GTF2IRD1: variants seen among roughly 807,000 people sequenced by gnomAD.
GTF2IRD1 encodes general transcription factor II-I repeat domain-containing protein 1.
GTF2IRD1 carries 26 observed loss-of-function variants against 113.2 expected under a neutral mutation model. That is an observed-to-expected ratio of 0.23 (90% CI 0.17 to 0.32). The LOEUF (loss-of-function observed/expected upper bound fraction) is 0.32, where lower values mean the gene tolerates loss of function less well. GTF2IRD1 is among the 10% of genes least tolerant of loss of function. The pLI is 1.00. For missense variants in GTF2IRD1, 864 were observed against 1,280.8 expected (o/e 0.67, Z 4.97); for synonymous variants, 484 against 529.1 (o/e 0.91, Z 1.17).
chr7:74,473,016 G>C (rs1226423945), intron 1 of GTF2IRD1, among the ~76,000 whole-genome samples: 1 of 152,208 alleles, frequency 6.6e-6, no homozygotes, highest in Non-Finnish European at 1.5e-5. Context: ...GTGCGGTGAA[G>C]GCTGGCAAGT....
chr7:74,469,522 A>G (rs1034675282), intron 1 of GTF2IRD1, among the ~76,000 whole-genome samples: 9 of 152,050 alleles, frequency 5.9e-5, no homozygotes, highest in Admixed American at 5.9e-4. Flanking sequence ...AGATGGAATC[A>G]TGTAATATGT....
At chr7:74,487,054 C>A (rs1194241760) in intron 1 of GTF2IRD1, among the ~76,000 whole-genome samples, 1 of 151,880 alleles carries the variant, frequency 6.6e-6, no homozygotes, top group African/African-American at 2.4e-5. Context: ...TTTCTTTTTT[C>A]CTTTTGAGAT....
chr7:74,475,630 C>T (rs1250037440), intron 1 of GTF2IRD1, among the ~76,000 whole-genome samples: 7 of 152,202 alleles, frequency 4.6e-5, no homozygotes, highest in African/African-American at 1.7e-4. Flanking sequence ...TGAAATTGCA[C>T]CACCTGGCCA....
At chr7:74,461,804 C>G (rs1417549231) in intron 1 of GTF2IRD1, among the ~76,000 whole-genome samples, 4 of 152,106 alleles carry the variant, frequency 2.6e-5, no homozygotes, top group African/African-American at 9.7e-5. Flanking sequence ...GTTTTGAACT[C>G]CTGATCTCAA....
intron 17 of GTF2IRD1, among the ~76,000 whole-genome samples, chr7:74,547,757 T>C (rs1306098204): frequency 1.1e-4 from 15 of 133,486 alleles, no homozygotes; most frequent in East Asian, 2.0e-4. Context: ...CTCTCTCTCT[T>C]TTTTTTTTTT....
intron 8 of GTF2IRD1, among the ~76,000 whole-genome samples, chr7:74,526,878 T>A (rs1332514854): frequency 6.6e-5 from 10 of 151,968 alleles, no homozygotes; most frequent in Non-Finnish European, 1.5e-4. Flanking sequence ...AAGTGTGACA[T>A]CTCAGTGGGA....
At chr7:74,488,482 G>A (rs1243973445) in intron 1 of GTF2IRD1, among the ~76,000 whole-genome samples, 3 of 152,218 alleles carry the variant, frequency 2.0e-5, no homozygotes. Flanking sequence ...CTCTGGCTGG[G>A]CACGGTGGCT....
chr7:74,502,140 T>C (rs1796067106), intron 1 of GTF2IRD1, among the ~76,000 whole-genome samples: 1 of 152,218 alleles, frequency 6.6e-6, no homozygotes, highest in South Asian at 2.1e-4. Flanking sequence ...GATTTTGCCA[T>C]GTTTCCCAGG....
At chr7:74,597,681 G>T (rs1207037911) in intron 25 of GTF2IRD1, among the ~76,000 whole-genome samples, 6 of 152,112 alleles carry the variant, frequency 3.9e-5, no homozygotes, top group Admixed American at 1.3e-4. Context: ...AAAAGAAGAA[G>T]AAAGAAAAAA....
chr7:74,528,808 TGG>T (rs1554347860), intron 8 of GTF2IRD1, among the ~76,000 whole-genome samples: 1 of 91,022 alleles, frequency 1.1e-5, no homozygotes, highest in Non-Finnish European at 2.6e-5. Flanking sequence ...GGTGGGTGGA[TGG>T]ATGGATGGAT....
chr7:74,483,769 G>A (rs1417504051), intron 1 of GTF2IRD1, among the ~76,000 whole-genome samples: 1 of 152,072 alleles, frequency 6.6e-6, no homozygotes. Flanking sequence ...GCCGGCAGAT[G>A]GCTTGAGTCC....
At chr7:74,569,660 G>A (rs1255414044) in intron 22 of GTF2IRD1, among the ~76,000 whole-genome samples, 1 of 152,180 alleles carries the variant, frequency 6.6e-6, no homozygotes, top group Non-Finnish European at 1.5e-5. Flanking sequence ...GGGTGGATTA[G>A]AGAAGGCAAA....
At chr7:74,550,015 C>A (rs1306405412) in intron 17 of GTF2IRD1, among the ~76,000 whole-genome samples, 1 of 146,640 alleles carries the variant, frequency 6.8e-6, no homozygotes, top group Non-Finnish European at 1.5e-5. Flanking sequence ...CCAGCCTGGG[C>A]AACAAGAGCA....
At chr7:74,517,277 GTAA>G (rs1554344853) in intron 4 of GTF2IRD1, among the ~76,000 whole-genome samples, 2,591 of 151,498 alleles carry the variant, frequency 0.017, 81 homozygotes, top group African/African-American at 0.059. Flanking sequence ...ACCTGCCTCG[GTAA>G]TCCCAAAGTG....
intron 17 of GTF2IRD1, 53 bp downstream of exon 17, chr7:74,547,339 G>C: frequency 7.1e-7 from 1 of 1,418,056 alleles, no homozygotes; most frequent in Non-Finnish European, 9.7e-7. Flanking sequence ...TCAGCACCAA[G>C]GGGCAGGAGC....
intron 1 of GTF2IRD1, among the ~76,000 whole-genome samples, chr7:74,487,013 G>A (rs1395553353): frequency 6.6e-6 from 1 of 152,164 alleles, no homozygotes; most frequent in Non-Finnish European, 1.5e-5. Context: ...ACTCAGTGAT[G>A]TAGATGAGAG....
At chr7:74,549,639 T>C (rs782521126) in intron 17 of GTF2IRD1, among the ~76,000 whole-genome samples, 2 of 152,036 alleles carry the variant, frequency 1.3e-5, no homozygotes, top group Non-Finnish European at 2.9e-5. Context: ...TGTCTGGGCA[T>C]ATTAAAAGGA....
At chr7:74,531,312 A>G (rs1583809683) in intron 9 of GTF2IRD1, among the ~76,000 whole-genome samples, 1 of 152,310 alleles carries the variant, frequency 6.6e-6, no homozygotes, top group Middle Eastern at 3.4e-3. Flanking sequence ...CAGAGATTGC[A>G]GTGAGCCAAG....
chr7:74,465,857 C>CAG (rs1793675505), intron 1 of GTF2IRD1, among the ~76,000 whole-genome samples: 1 of 152,134 alleles, frequency 6.6e-6, no homozygotes, highest in South Asian at 2.1e-4. Flanking sequence ...GCAACCTCTA[C>CAG]CTCCTGGGTT....
Sources: allele counts gnomAD v4.1 joint callset (sites outside exome capture counted in the v4.1 genomes callset), GRCh38; gene constraint gnomAD v4.1.1; transcripts MANE v1.5; gene names NCBI Gene and HGNC (gene_info 2026-07-23, HGNC 2026-07-21).